The following CHMP3 variants were observed in gnomAD, a reference collection of about 807,000 sequenced individuals.
CHMP3 encodes charged multivesicular body protein 3, also known as 25.1 protein.
CHMP3 carries 8 observed loss-of-function variants against 27.4 expected under a neutral mutation model. That is an observed-to-expected ratio of 0.29 (90% CI 0.17 to 0.53). The LOEUF (loss-of-function observed/expected upper bound fraction) is 0.53. Among genes scored for constraint, CHMP3 ranks in the 20% least tolerant of loss-of-function variants. The pLI, the probability that CHMP3 is intolerant of heterozygous loss-of-function variation, is 0.96. For missense variants in CHMP3, 208 were observed against 271.5 expected (o/e 0.77, Z 1.64); for synonymous variants, 86 against 85.5 (o/e 1.01, Z -0.03).
intron 1 of CHMP3, among the ~76,000 whole-genome samples, chr2:86,557,907 G>A (rs190056588): frequency 3.9e-4 from 60 of 152,260 alleles, no homozygotes; most frequent in Admixed American, 1.4e-3. Context: ...GTCATCTAGT[G>A]TCTTATTTTT....
chr2:86,556,633 AATC>A (rs541378676), intron 1 of CHMP3, among the ~76,000 whole-genome samples: 2,272 of 152,268 alleles, frequency 0.015, 66 homozygotes, highest in African/African-American at 0.052. Context: ...CCTGGCCTTT[AATC>A]ATCCGCCAGC....
chr2:86,532,420 T>C (rs945479848), intron 2 of CHMP3, among the ~76,000 whole-genome samples: 1 of 152,156 alleles, frequency 6.6e-6, no homozygotes, highest in East Asian at 1.9e-4. Flanking sequence ...TTTACATACT[T>C]TTAACTATTT....
intron 3 of CHMP3, among the ~76,000 whole-genome samples, chr2:86,528,004 T>A (rs1277118822): frequency 6.6e-6 from 1 of 152,186 alleles, no homozygotes; most frequent in East Asian, 1.9e-4. Context: ...TTGATAGATT[T>A]TTTAAAGGAT....
chr2:86,549,821 G>C (rs1399322825), intron 1 of CHMP3, among the ~76,000 whole-genome samples: 2 of 150,728 alleles, frequency 1.3e-5, no homozygotes, highest in East Asian at 4.0e-4. Flanking sequence ...CCTCCCAGGC[G>C]GGGTGGCCGG....
At chr2:86,555,793 T>A (rs1022795191) in intron 1 of CHMP3, among the ~76,000 whole-genome samples, 2 of 152,196 alleles carry the variant, frequency 1.3e-5, no homozygotes, top group Admixed American at 6.5e-5. Context: ...ATCCCTCTTA[T>A]AAGGATACAG....
intron 1 of CHMP3, 63 bp from the exon 2 acceptor site, chr2:86,542,375 A>G: frequency 6.7e-7 from 1 of 1,497,472 alleles, no homozygotes; most frequent in Non-Finnish European, 9.2e-7. Flanking sequence ...AATCTAATTT[A>G]AGAATTTTGT....
intron 2 of CHMP3, chr2:86,540,634 A>G (rs1268465777): frequency 6.6e-6 from 1 of 152,046 alleles, no homozygotes; most frequent in African/African-American, 2.4e-5. Flanking sequence ...TGTAGTGTCT[A>G]ATTTGCTGTT....
At chr2:86,514,268 A>G (rs1178520579) in intron 3 of CHMP3, among the ~76,000 whole-genome samples, 1 of 152,230 alleles carries the variant, frequency 6.6e-6, no homozygotes, top group Non-Finnish European at 1.5e-5. Context: ...TATAAGCCAC[A>G]GTGGTCAAGT....
At chr2:86,535,626 C>A (rs1182523737) in intron 2 of CHMP3, among the ~76,000 whole-genome samples, 1 of 152,126 alleles carries the variant, frequency 6.6e-6, no homozygotes, top group Non-Finnish European at 1.5e-5. Context: ...CCTGCCTCAG[C>A]CTCCACAGTA....
intron 5 of CHMP3, among the ~76,000 whole-genome samples, chr2:86,506,621 C>T (rs1054698621): frequency 6.7e-6 from 1 of 148,254 alleles, no homozygotes; most frequent in South Asian, 2.1e-4. Flanking sequence ...TAGTTTGTTT[C>T]GAACCTTTTT....
chr2:86,538,083 A>G (rs1485307074), intron 2 of CHMP3, among the ~76,000 whole-genome samples: 4 of 152,252 alleles, frequency 2.6e-5, no homozygotes, highest in Non-Finnish European at 5.9e-5. Flanking sequence ...AATATTACTC[A>G]GCCTTAAAAA....
At position 86,505,796 on chromosome 2, in the gene CHMP3, G is replaced by A; in HGVS notation, c.*8C>T. 1 of 1,571,222 alleles carries A rather than the reference G, an allele frequency of 6.4e-7. No individual in the cohort carries two copies. The highest frequency in any genetic ancestry group is 2.0e-4 in the Middle Eastern group (1 of 4,884). ...GAGTGTGTGCACACCCAGCGGGGTA[G>A]GCAGCCCCTAGCTGCGGAGTGTGGC... On this transcript the variant is annotated 3_prime_UTR_variant, in exon 6 of 6. Transcript: ENST00000263856.
intron 2 of CHMP3, among the ~76,000 whole-genome samples, chr2:86,529,722 G>A (rs1369208769): frequency 6.6e-6 from 1 of 152,100 alleles, no homozygotes. Context: ...ACAATTATAA[G>A]AGTACAGTTT....
chr2:86,554,816 C>CGCGT lies in CHMP3; in HGVS notation c.45+8487_45+8488insACGC, dbSNP rs138168191. Among the ~76,000 whole-genome samples, 56 of 145,442 alleles carry CGCGT rather than the reference C, an allele frequency of 3.9e-4. 1 individual carries two copies. The highest frequency in any genetic ancestry group is 3.2e-3 in the East Asian group (16 of 5,046). ...TCAATAGAATAAATGTGTGTGCGCG[C>CGCGT]GTGTGTGTGTGTGTGTGTGTGTGTG... On this transcript the variant is annotated intron_variant, in intron 1 of 5. Coordinates refer to ENST00000263856, the MANE Select transcript of CHMP3 (RefSeq NM_016079.4).
intron 1 of CHMP3, among the ~76,000 whole-genome samples, chr2:86,561,063 A>G (rs1292682526): frequency 6.6e-6 from 1 of 152,210 alleles, no homozygotes; most frequent in Non-Finnish European, 1.5e-5. Context: ...GATCCAAACC[A>G]TATCAGGTGC....
chr2:86,548,179 C>CT (rs55949258), intron 1 of CHMP3, among the ~76,000 whole-genome samples: 7,219 of 115,870 alleles, frequency 0.062, 239 homozygotes, highest in East Asian at 0.17. Context: ...GAGGAGTTCT[C>CT]TTTTTTTTTT....
intron 1 of CHMP3, among the ~76,000 whole-genome samples, chr2:86,548,910 C>G (rs1381413478): frequency 6.7e-6 from 1 of 149,112 alleles, no homozygotes; most frequent in East Asian, 2.0e-4. Flanking sequence ...AGGTGCTCCC[C>G]ACCTCCCAGA....
At chr2:86,547,501 A>G (rs1676657578) in intron 1 of CHMP3, among the ~76,000 whole-genome samples, 1 of 152,230 alleles carries the variant, frequency 6.6e-6, no homozygotes, top group Non-Finnish European at 1.5e-5. Context: ...GTCTCCGACC[A>G]GTGCTTCTCA....
intron 3 of CHMP3, among the ~76,000 whole-genome samples, chr2:86,519,598 T>C (rs1415575612): frequency 4.6e-5 from 7 of 152,092 alleles, no homozygotes; most frequent in Non-Finnish European, 7.4e-5. Context: ...AGTATATGAG[T>C]ATAATGAAAA....
Sources: gnomAD v4.1 joint callset for allele counts (sites outside exome capture counted in the v4.1 genomes callset) on GRCh38, gnomAD v4.1.1 for gene constraint, MANE v1.5 for transcripts, NCBI Gene and HGNC (gene_info 2026-07-23, HGNC 2026-07-21) for gene names.